The following GUCY2F variants were observed in gnomAD, a reference collection of about 807,000 sequenced individuals.
GUCY2F encodes retinal guanylyl cyclase 2.
In GUCY2F, 61 loss-of-function variants were observed where a neutral mutation model predicts 73.1. The ratio of observed to expected loss-of-function variants is 0.83; its 90% CI spans 0.68 to 1.03. The LOEUF is 1.03. Among genes scored for constraint, GUCY2F ranks in the 50% least tolerant of loss-of-function variants. GUCY2F has a pLI of 0.00. For synonymous variants in GUCY2F, 331 were observed against 307.8 expected (o/e 1.08, Z -0.79); for missense variants, 912 against 854.3 (o/e 1.07, Z -0.84).
chrX:109,427,549 A>G (rs1318824056), intron 8 of GUCY2F, among the ~76,000 whole-genome samples: 1 of 112,154 alleles, frequency 8.9e-6, no homozygotes, highest in Non-Finnish European at 1.9e-5. Context: ...TCTGGCTCAC[A>G]AAGATCTGCT....
intron 8 of GUCY2F, among the ~76,000 whole-genome samples, chrX:109,411,136 T>C (rs1425341727): frequency 2.8e-5 from 3 of 108,866 alleles, no homozygotes; most frequent in Admixed American, 9.9e-5. Context: ...TACATATTAA[T>C]ATAGGGAATT....
At chrX:109,420,999 T>C (rs1787116282) in intron 8 of GUCY2F, among the ~76,000 whole-genome samples, 1 of 111,351 alleles carries the variant, frequency 9.0e-6, no homozygotes, top group Admixed American at 9.5e-5. Flanking sequence ...AAAATCTTTA[T>C]AGCTTTCTAT....
In GUCY2F at chrX:109,392,898, AG is replaced by A. The variant is rs767087203; in HGVS notation, c.2581del (p.Leu861TyrfsTer39). 1.7e-6 allele frequency: 2 copies of A among 1,159,238 alleles called. No homozygotes were observed. The highest frequency in any genetic ancestry group is 3.6e-5 in the African/African-American group (2 of 55,587). ...QKTEKLLTQM[L>X]PPSVAESLKK... ...CTCAGGTGTTCTCACATACGGTGGT[AG>A]CATCTGTGTTAGAAGCTTTTCCGTT... On this transcript the variant is annotated frameshift_variant, in exon 13 of 20. Transcript: ENST00000218006. LOFTEE classifies it high-confidence loss of function.
chrX:109,418,527 G>C (rs906031135), intron 8 of GUCY2F, among the ~76,000 whole-genome samples: 19 of 111,367 alleles, frequency 1.7e-4, no homozygotes, highest in African/African-American at 4.9e-4. Context: ...CAAATATCTG[G>C]TAATTAAGCA....
intron 17 of GUCY2F, among the ~76,000 whole-genome samples, chrX:109,376,743 A>AG (rs1569352956): frequency 2.1e-4 from 23 of 110,869 alleles, no homozygotes; most frequent in African/African-American, 7.2e-4. Context: ...AAGAACCACA[A>AG]GTCTCAGAAG....
chrX:109,431,865 C>T (rs1931623164), intron 7 of GUCY2F, among the ~76,000 whole-genome samples: 1 of 107,075 alleles, frequency 9.3e-6, no homozygotes, highest in Non-Finnish European at 1.9e-5. Context: ...AGCTCAAAGT[C>T]CTTTAACTAA....
Position 109,441,402 on chromosome X carries a change from T to G in GUCY2F, c.1650A>C (p.Ser550=). The change falls in exon 7 of 20, where the codon TCA becomes TCC. Residue 550 remains serine (S), a synonymous_variant. Transcript: ENST00000218006. ...CATAGGTAGCTGGAGTTAGACTCCC[T>G]GAAGAAAAGGAGAGTCTTGGGGACC... is the stretch of plus-strand genomic sequence containing the variant. The part of the protein sequence containing the change: ...SGRSPRLSFS[S]GSLTPATYEN... The G allele has an allele frequency of 8.6e-7, 1 of 1,163,451 alleles. No homozygotes were observed. Among genetic ancestry groups the G allele is most frequent in the Admixed American group, 2.3e-5 (1 of 44,265 alleles).
intron 8 of GUCY2F, among the ~76,000 whole-genome samples, chrX:109,428,244 A>G (rs1046375798): frequency 1.8e-5 from 2 of 112,378 alleles, no homozygotes; most frequent in East Asian, 5.6e-4. Context: ...GTTACTCTCC[A>G]GTGGAGGAAC....
chrX:109,446,168 A>G (rs1389648243), intron 6 of GUCY2F, among the ~76,000 whole-genome samples: 2 of 112,321 alleles, frequency 1.8e-5, no homozygotes, highest in Non-Finnish European at 3.8e-5. Context: ...ATGAATAAGA[A>G]GAATCAATAT....
chrX:109,391,129 G>A (rs1319304402), intron 14 of GUCY2F, among the ~76,000 whole-genome samples: 1 of 112,102 alleles, frequency 8.9e-6, no homozygotes, highest in African/African-American at 3.2e-5. Flanking sequence ...ATGTAGAAAT[G>A]TCCCTGCACA....
chrX:109,462,573 C>T (rs868776063), intron 3 of GUCY2F, among the ~76,000 whole-genome samples: 5 of 110,140 alleles, frequency 4.5e-5, no homozygotes, highest in South Asian at 3.8e-4. Flanking sequence ...AAGCTAATGG[C>T]GTCTTTTTTT....
chrX:109,398,829 G>GC (rs902387074), intron 10 of GUCY2F, 131 bp from the exon 11 acceptor site: 5 of 532,055 alleles, frequency 9.4e-6, no homozygotes, highest in South Asian at 7.4e-5. Context: ...CCATGCTAGT[G>GC]CCCCCCATCC....
intron 13 of GUCY2F, 63 bp downstream of exon 13, chrX:109,392,829 T>C (rs1183811826): frequency 1.3e-5 from 3 of 225,573 alleles, no homozygotes; most frequent in African/African-American, 3.1e-5. Context: ...TTTCTTTCTC[T>C]TTTTTTTTTT....
chrX:109,417,422 G>A (rs943337078), intron 8 of GUCY2F, among the ~76,000 whole-genome samples: 14 of 111,037 alleles, frequency 1.3e-4, no homozygotes, highest in Non-Finnish European at 1.7e-4. Flanking sequence ...ATTCTAAGAA[G>A]ACTATGATAA....
intron 2 of GUCY2F, among the ~76,000 whole-genome samples, chrX:109,470,938 T>C (rs959747446): frequency 8.9e-6 from 1 of 112,090 alleles, no homozygotes; most frequent in Non-Finnish European, 1.9e-5. Context: ...TGCCCTTACT[T>C]AATAGGGGTG....
At position 109,388,611 on chromosome X, in the gene GUCY2F, T is replaced by C. The variant is rs144180533; in HGVS notation, c.2834A>G (p.Asn945Ser). The C allele has an allele frequency of 1.4e-4, 165 of 1,200,635 alleles. No homozygotes were observed. In the African/African-American group the frequency reaches 2.7e-3, roughly 19 times the overall value. ...YMVASGLPKR[N>S]GSRHAAEIAN... is the part of the protein sequence containing the mutation. ...AATCTCAGCTGCATGCCTACTGCCA[T>C]TCCTCTTTGGGAGGCCTGAAGCCAC... The change falls in exon 15 of 20, where the codon AAT becomes AGT. Residue 945 changes from asparagine (N) to serine (S), a missense_variant. Physicochemically the swap from Asn to Ser is conservative, Grantham distance 46. Coordinates refer to ENST00000218006, the MANE Select transcript of GUCY2F (RefSeq NM_001522.3).
chrX:109,431,210 A>T (rs761604763), intron 7 of GUCY2F, among the ~76,000 whole-genome samples: 33 of 111,490 alleles, frequency 3.0e-4, no homozygotes, highest in Non-Finnish European at 4.7e-4. Context: ...AAATTGTTTT[A>T]AAAAAAATAT....
At chrX:109,480,916 G>C (rs1569380041) in intron 1 of GUCY2F, among the ~76,000 whole-genome samples, 1 of 105,184 alleles carries the variant, frequency 9.5e-6, no homozygotes, top group Non-Finnish European at 2.0e-5. Context: ...AAAAAAAGAA[G>C]GGAAGGAAGG....
chrX:109,436,628 C>T (rs1931751915), intron 7 of GUCY2F, among the ~76,000 whole-genome samples: 1 of 111,755 alleles, frequency 8.9e-6, no homozygotes, highest in African/African-American at 3.3e-5. Flanking sequence ...AGTTCATGTC[C>T]TTTGTAGGGA....
Sources: allele counts gnomAD v4.1 joint callset (sites outside exome capture counted in the v4.1 genomes callset), GRCh38; gene constraint gnomAD v4.1.1; transcripts MANE v1.5; gene names NCBI Gene and HGNC (gene_info 2026-07-23, HGNC 2026-07-21).